SLC39A9: variants seen among roughly 807,000 people sequenced by gnomAD.
The protein encoded by SLC39A9 is zinc transporter ZIP9.
A neutral mutation model predicts 28.4 loss-of-function variants in SLC39A9; 14 were observed. The ratio of observed to expected loss-of-function variants is 0.49; its 90% CI spans 0.33 to 0.77. The LOEUF (loss-of-function observed/expected upper bound fraction) is 0.77. SLC39A9 is among the 30% of genes least tolerant of loss of function. SLC39A9 has a pLI of 0.02. For missense variants in SLC39A9, 283 were observed against 381.1 expected, an observed-to-expected ratio of 0.74 and a Z score of 2.14; for synonymous variants, 119 against 149.6, an observed-to-expected ratio of 0.80 and a Z score of 1.49.
chr14:69,429,159 T>G (rs1165438414), intron 2 of SLC39A9: 1 of 152,238 alleles, frequency 6.6e-6, no homozygotes, highest in African/African-American at 2.4e-5. Context: ...ATGGTTAAAT[T>G]TCCAGGACCC....
chr14:69,451,967 C>T (rs748684211), intron 3 of SLC39A9, among the ~76,000 whole-genome samples: 9 of 151,928 alleles, frequency 5.9e-5, no homozygotes, highest in Admixed American at 1.3e-4. Flanking sequence ...CCTCCCCCAT[C>T]GACCTCCCAG....
intron 1 of SLC39A9, among the ~76,000 whole-genome samples, chr14:69,406,030 A>G (rs1228132761): frequency 6.6e-6 from 1 of 152,344 alleles, no homozygotes; most frequent in Middle Eastern, 3.4e-3. Flanking sequence ...CCTGTTGCCA[A>G]ATCAGTCACT....
Position 69,459,782 on chromosome 14 carries a change from T to A in SLC39A9, c.*1189T>A. 1 of 985,400 alleles carries A rather than the reference T, an allele frequency of 1.0e-6. No individual in the cohort carries two copies. The highest frequency in any genetic ancestry group is 1.2e-6 in the Non-Finnish European group (1 of 829,922). The allele number at this position is 985,400 out of a possible 1,614,324, so 61.0% of individuals were successfully genotyped here. ...TCTAACTTTTCCCTCTAGCCTCTCC[T>A]CGCCACAATTTGCTGCTTACTGCTG... On this transcript the variant is annotated 3_prime_UTR_variant, in exon 7 of 7. Transcript: ENST00000336643.
At chr14:69,440,751 G>A (rs1448442404) in intron 2 of SLC39A9, among the ~76,000 whole-genome samples, 3 of 152,136 alleles carry the variant, frequency 2.0e-5, no homozygotes, top group Non-Finnish European at 2.9e-5. Flanking sequence ...TCGGCTCACT[G>A]CAACCTCCGA....
chr14:69,440,820 C>T (rs138914958), intron 2 of SLC39A9, among the ~76,000 whole-genome samples: 3,332 of 152,088 alleles, frequency 0.022, 113 homozygotes, highest in African/African-American at 0.075. Context: ...ATTACAGGCA[C>T]GCGCCACCGT....
intron 6 of SLC39A9, among the ~76,000 whole-genome samples, chr14:69,456,397 T>C (rs1885862403): frequency 6.6e-6 from 1 of 152,224 alleles, no homozygotes; most frequent in African/African-American, 2.4e-5. Flanking sequence ...AAAGGGTTTT[T>C]ATAACACACT....
At chr14:69,435,909 G>C (rs1021277840) in intron 2 of SLC39A9, among the ~76,000 whole-genome samples, 1 of 152,046 alleles carries the variant, frequency 6.6e-6, no homozygotes, top group Non-Finnish European at 1.5e-5. Flanking sequence ...CTGACCTCAG[G>C]TGATCCACCT....
rs1594960316 is a variant in SLC39A9, at chr14:69,461,880, G to T, written c.*3287G>T. ...ATGACCAGATTCATCCAGAACTGCTGCAGTGTTAAGTGAAAATCCTCTGTA... is the reference window on the plus strand; with the variant it reads ...ATGACCAGATTCATCCAGAACTGCTTCAGTGTTAAGTGAAAATCCTCTGTA... On this transcript the variant is annotated 3_prime_UTR_variant, in exon 7 of 7. Transcript: ENST00000336643. 6 of 788,562 alleles carry T rather than the reference G, an allele frequency of 7.6e-6. No homozygotes were observed. In the East Asian group the frequency reaches 1.6e-4, roughly 21 times the overall value. The allele number at this position is 788,562 out of a possible 1,614,324, so 48.8% of individuals were successfully genotyped here. A position where few individuals can be genotyped will look rare whatever the true frequency, so the allele number is the denominator to read the frequency against.
At chr14:69,406,116 C>G (rs1437886619) in intron 1 of SLC39A9, among the ~76,000 whole-genome samples, 4 of 152,300 alleles carry the variant, frequency 2.6e-5, no homozygotes, top group Admixed American at 1.3e-4. Flanking sequence ...TAAATTGATG[C>G]CTTTAGCTCC....
rs1886122272 is a variant in SLC39A9 at position 69,461,778 on chromosome 14, C to T, written c.*3185C>T. Reference sequence around the variant, plus strand: ...GGTAGCTAGGGACTGAACACAGGAACCGTATGACAGCAGCACAAACCCCCA... The same window carrying T: ...GGTAGCTAGGGACTGAACACAGGAATCGTATGACAGCAGCACAAACCCCCA... On this transcript the variant is annotated 3_prime_UTR_variant, in exon 7 of 7. Transcript: ENST00000336643. 2 of 1,528,542 alleles carry T rather than the reference C, an allele frequency of 1.3e-6. No homozygotes were observed. Among genetic ancestry groups the T allele is most frequent in the Non-Finnish European group, 1.8e-6 (2 of 1,142,144 alleles). 94.7% of individuals were successfully genotyped at this position (1,528,542 alleles called of 1,614,324 possible). A position where few individuals can be genotyped will look rare whatever the true frequency, so the allele number is the denominator to read the frequency against.
rs1882473250 is a variant in SLC39A9, at chr14:69,399,080, T to G, written c.-290T>G. 5.5e-6 allele frequency: 2 copies of G among 361,150 alleles called. No individual in the cohort carries two copies. Among genetic ancestry groups the G allele is most frequent in the Non-Finnish European group, 1.0e-5 (2 of 200,622 alleles). The allele number at this position is 361,150 out of a possible 1,614,324, so 22.4% of individuals were successfully genotyped here. On this transcript the variant is annotated 5_prime_UTR_variant, in exon 1 of 7. Transcript: ENST00000336643. ...TTCGCACATTTTCCCCATTGACTTT[T>G]CCCATCTCTGTTAACCCACGAGAAT...
At chr14:69,436,826 T>C (rs1441888550) in intron 2 of SLC39A9, among the ~76,000 whole-genome samples, 1 of 152,222 alleles carries the variant, frequency 6.6e-6, no homozygotes, top group Admixed American at 6.5e-5. Context: ...CAACACTACA[T>C]GTGTTGCCAC....
intron 2 of SLC39A9, among the ~76,000 whole-genome samples, chr14:69,437,755 A>AT (rs1884847812): frequency 1.3e-5 from 2 of 151,560 alleles, no homozygotes; most frequent in African/African-American, 2.4e-5. Flanking sequence ...TGCCCAGCTA[A>AT]TTTTTGTATT....
At chr14:69,437,840 C>G (rs1256775234) in intron 2 of SLC39A9, among the ~76,000 whole-genome samples, 2 of 151,778 alleles carry the variant, frequency 1.3e-5, no homozygotes, top group African/African-American at 4.8e-5. Flanking sequence ...CCTGCCTCAA[C>G]CTCCCAAAGT....
At chr14:69,428,773 G>A (rs956059298) in intron 2 of SLC39A9, 3 of 152,484 alleles carry the variant, frequency 2.0e-5, no homozygotes, top group Middle Eastern at 6.8e-3. Context: ...GAAGTGGGTC[G>A]GTTAAGAGCA....
At chr14:69,422,006 C>G (rs1052941960) in intron 1 of SLC39A9, among the ~76,000 whole-genome samples, 2 of 152,082 alleles carry the variant, frequency 1.3e-5, no homozygotes, top group Admixed American at 6.6e-5. Flanking sequence ...CCTCCCTGGG[C>G]TGCACTCACT....
chr14:69,445,943 A>T (rs181271751), intron 3 of SLC39A9, among the ~76,000 whole-genome samples: 15 of 152,364 alleles, frequency 9.8e-5, no homozygotes, highest in Admixed American at 8.5e-4. Context: ...AATTCAAGTA[A>T]ATTATGAATG....
chr14:69,455,224 T>C (rs949338465), intron 5 of SLC39A9, among the ~76,000 whole-genome samples: 3 of 152,216 alleles, frequency 2.0e-5, no homozygotes, highest in Non-Finnish European at 4.4e-5. Context: ...AACACACAAA[T>C]AGGATCTTTT....
chr14:69,459,700 G>C lies in SLC39A9; in HGVS notation c.*1107G>C. 1 of 984,882 alleles carries C rather than the reference G, an allele frequency of 1.0e-6. No individual in the cohort carries two copies. The allele number at this position is 984,882 out of a possible 1,614,324, so 61.0% of individuals were successfully genotyped here. On this transcript the variant is annotated 3_prime_UTR_variant, in exon 7 of 7. Coordinates refer to ENST00000336643, the MANE Select transcript of SLC39A9 (RefSeq NM_018375.5). ...CATAAATGAGAAGTGTTTGCCTATTGATTTAAAGCTTATTGGAATCATGTC... is the reference window on the plus strand; with the variant it reads ...CATAAATGAGAAGTGTTTGCCTATTCATTTAAAGCTTATTGGAATCATGTC...
Sources: gnomAD v4.1 joint callset for allele counts (sites outside exome capture counted in the v4.1 genomes callset) on GRCh38, gnomAD v4.1.1 for gene constraint, MANE v1.5 for transcripts, NCBI Gene and HGNC (gene_info 2026-07-23, HGNC 2026-07-21) for gene names.